TMEM33: variants seen among roughly 807,000 people sequenced by gnomAD.
TMEM33 encodes the protein transmembrane protein 33.
In TMEM33, 16 loss-of-function variants were observed where a neutral mutation model predicts 29.7. That is an observed-to-expected ratio of 0.54 (90% CI 0.36 to 0.82). The LOEUF (loss-of-function observed/expected upper bound fraction) is 0.82, where lower values mean the gene tolerates loss of function less well. Ranked by LOEUF, TMEM33 falls within the 40% of genes least tolerant of loss-of-function variation. The pLI, the probability that TMEM33 is intolerant of heterozygous loss-of-function variation, is 0.00. For missense variants in TMEM33, 252 were observed against 295.3 expected (o/e 0.85, Z 1.08); for synonymous variants, 112 against 109.4 (o/e 1.02, Z -0.15).
At chr4:41,940,105 G>A (rs1712464533) in intron 3 of TMEM33, among the ~76,000 whole-genome samples, 1 of 121,754 alleles carries the variant, frequency 8.2e-6, no homozygotes, top group African/African-American at 3.3e-5. Flanking sequence ...CAGGCCACCT[G>A]CCTCTGCCTC....
intron 1 of TMEM33, 28 bp downstream of exon 1, chr4:41,935,557 T>G: frequency 6.3e-7 from 1 of 1,593,156 alleles, no homozygotes; most frequent in Non-Finnish European, 8.5e-7. Context: ...GTAGTCTGGC[T>G]TGATTTGCAA....
chr4:41,939,434 A>G, intron 3 of TMEM33, 51 bp downstream of exon 3: 1 of 1,580,474 alleles, frequency 6.3e-7, no homozygotes, highest in East Asian at 2.2e-5. Flanking sequence ...AGCATATAGG[A>G]GATCTCTTCT....
chr4:41,937,055 ATTT>A (rs78394595), intron 1 of TMEM33, among the ~76,000 whole-genome samples: 2 of 140,144 alleles, frequency 1.4e-5, no homozygotes, highest in Admixed American at 7.2e-5. Context: ...AGATCTAGTG[ATTT>A]TTTTTTTTTT....
chr4:41,937,070 T>G (rs1262899765), intron 1 of TMEM33, among the ~76,000 whole-genome samples: 1 of 151,754 alleles, frequency 6.6e-6, no homozygotes, highest in Non-Finnish European at 1.5e-5. Flanking sequence ...TTTTTTTTTT[T>G]GCCTGATGGT....
In TMEM33 at chr4:41,953,315, G is replaced by C. The variant is rs1279537117; in HGVS notation, c.615-755G>C. ...ACAATAAAGTGAATATCACAAAGCT[G>C]TCAGATGAATTTTTTGGTTTTCCAG... On this transcript the variant is annotated intron_variant, in intron 6 of 6. Coordinates refer to ENST00000504986, the MANE Select transcript of TMEM33 (RefSeq NM_018126.3). 2.0e-5 allele frequency among the ~76,000 whole-genome samples: 3 copies of C among 152,342 alleles called. No homozygotes were observed. In the East Asian group the frequency reaches 5.8e-4, roughly 29 times the overall value.
intron 5 of TMEM33, among the ~76,000 whole-genome samples, 187 bp downstream of exon 5, chr4:41,945,113 G>T (rs191315395): frequency 0.044 from 6,656 of 152,090 alleles, 441 homozygotes; most frequent in African/African-American, 0.15. Context: ...GTAGACCTAG[G>T]AATTTGTCTT....
Position 41,938,544 on chromosome 4 carries a change from G to A in TMEM33, c.46-58G>A, listed in dbSNP as rs112993325. 8.1e-6 allele frequency: 12 copies of A among 1,490,610 alleles called. No individual in the cohort carries two copies. In the African/African-American group the frequency reaches 1.1e-4, roughly 14 times the overall value. The allele number at this position is 1,490,610 out of a possible 1,614,324, so 92.3% of individuals were successfully genotyped here. On this transcript the variant is annotated intron_variant, in intron 1 of 6. Coordinates refer to ENST00000504986, the MANE Select transcript of TMEM33 (RefSeq NM_018126.3). ...GTAGACATAAAAACCACACAGTCTTGATGCTTAAAAACATGATTTGCAGGC... is the reference window on the plus strand; with the variant it reads ...GTAGACATAAAAACCACACAGTCTTAATGCTTAAAAACATGATTTGCAGGC...
chr4:41,936,480 C>G (rs888186733), intron 1 of TMEM33, among the ~76,000 whole-genome samples: 1 of 152,196 alleles, frequency 6.6e-6, no homozygotes, highest in African/African-American at 2.4e-5. Flanking sequence ...GAAGTTGAAG[C>G]TGCCGTGAGC....
Position 41,957,285 on chromosome 4 carries a change from G to A in TMEM33, c.*3086G>A, listed in dbSNP as rs1226739367. ...TATTTAGGTTTTTTTTTTTTTTTTT[G>A]GAATGAAGTTCAGAGGTAGATCCTC... On this transcript the variant is annotated 3_prime_UTR_variant, in exon 7 of 7. Coordinates refer to ENST00000504986, the MANE Select transcript of TMEM33 (RefSeq NM_018126.3). 1 of 47,318 alleles carries A rather than the reference G, an allele frequency of 2.1e-5. No homozygotes were observed. The highest frequency in any genetic ancestry group is 4.6e-5 in the Non-Finnish European group (1 of 21,970). The allele number at this position is 47,318 out of a possible 1,614,324, so 2.9% of individuals were successfully genotyped here.
intron 6 of TMEM33, chr4:41,953,657 C>T (rs1577656299): frequency 4.7e-6 from 2 of 425,346 alleles, no homozygotes; most frequent in Non-Finnish European, 9.4e-6. Context: ...ATTAATTGGC[C>T]TAATTTCAGT....
At position 41,957,327 on chromosome 4, in the gene TMEM33, A is replaced by G. The variant is rs1302996763; in HGVS notation, c.*3128A>G. 6.7e-6 allele frequency: 1 copy of G among 149,560 alleles called. No homozygotes were observed. Among genetic ancestry groups the G allele is most frequent in the Non-Finnish European group, 1.5e-5 (1 of 67,638 alleles). The allele number at this position is 149,560 out of a possible 1,614,324, so 9.3% of individuals were successfully genotyped here. A position where few individuals can be genotyped will look rare whatever the true frequency, so the allele number is the denominator to read the frequency against. Reference sequence around the variant, plus strand: ...TAGATCCTCCTGGAAGAAAGAAAGCAAGCGAACTTTTTAAAGAAAATTAGA... The same window carrying G: ...TAGATCCTCCTGGAAGAAAGAAAGCGAGCGAACTTTTTAAAGAAAATTAGA... On this transcript the variant is annotated 3_prime_UTR_variant, in exon 7 of 7. Coordinates refer to ENST00000504986, the MANE Select transcript of TMEM33 (RefSeq NM_018126.3).
intron 6 of TMEM33, among the ~76,000 whole-genome samples, chr4:41,951,140 G>C (rs1454869731): frequency 1.3e-5 from 2 of 152,118 alleles, no homozygotes; most frequent in Non-Finnish European, 2.9e-5. Flanking sequence ...TTATTCTCAA[G>C]TTGGTGGTTT....
At chr4:41,935,667 C>A in intron 1 of TMEM33, 138 bp downstream of exon 1, 2 of 886,240 alleles carry the variant, frequency 2.3e-6, no homozygotes, top group South Asian at 1.6e-5. Context: ...GAAGTTGGAG[C>A]GGGGAGAGGG....
At chr4:41,935,671 G>T in intron 1 of TMEM33, 142 bp downstream of exon 1, 5 of 846,518 alleles carry the variant, frequency 5.9e-6, no homozygotes, top group Non-Finnish European at 9.2e-6. Context: ...TTGGAGCGGG[G>T]AGAGGGGAGG....
Position 41,959,542 on chromosome 4 carries a change from A to G in TMEM33, c.*5343A>G, listed in dbSNP as rs1180289690. On this transcript the variant is annotated 3_prime_UTR_variant, in exon 7 of 7. Coordinates refer to ENST00000504986, the MANE Select transcript of TMEM33 (RefSeq NM_018126.3). ...ATTCCATGAGAAAGAGTGGCCTAAG[A>G]ATTATTTCATGTTACCTAGCCTTCT... 1.3e-5 allele frequency: 2 copies of G among 152,172 alleles called. No individual in the cohort carries two copies. The highest frequency in any genetic ancestry group is 2.9e-5 in the Non-Finnish European group (2 of 68,026). The allele number at this position is 152,172 out of a possible 1,614,324, so 9.4% of individuals were successfully genotyped here.
Position 41,960,698 on chromosome 4 carries a change from T to C in TMEM33, c.*6499T>C, listed in dbSNP as rs1314474051. 2 of 152,022 alleles carry C rather than the reference T, an allele frequency of 1.3e-5. No homozygotes were observed. The highest frequency in any genetic ancestry group is 2.4e-5 in the African/African-American group (1 of 41,400). The allele number at this position is 152,022 out of a possible 1,614,324, so 9.4% of individuals were successfully genotyped here. A position where few individuals can be genotyped will look rare whatever the true frequency, so the allele number is the denominator to read the frequency against. ...CCTCTTATCCTCAGCCCATCACAAA[T>C]AATAGAGATGCCATGATTTTGAGGT... is the stretch of plus-strand genomic sequence containing the variant. On this transcript the variant is annotated 3_prime_UTR_variant, in exon 7 of 7. Coordinates refer to ENST00000504986, the MANE Select transcript of TMEM33 (RefSeq NM_018126.3).
At chr4:41,953,634 C>A (rs1713137721) in intron 6 of TMEM33, 2 of 388,644 alleles carry the variant, frequency 5.1e-6, no homozygotes, top group Non-Finnish European at 1.0e-5. Context: ...CACTTAGAGG[C>A]CATTACAGGG....
chr4:41,950,535 GTTCATT>G (rs1006744477), intron 6 of TMEM33, among the ~76,000 whole-genome samples: 2 of 152,042 alleles, frequency 1.3e-5, no homozygotes, highest in African/African-American at 4.8e-5. Flanking sequence ...GTTCTTACTA[GTTCATT>G]TTCATTATTC....
chr4:41,935,445 C>A lies in TMEM33; in HGVS notation c.-40C>A. On this transcript the variant is annotated 5_prime_UTR_variant, in exon 1 of 7. Transcript: ENST00000504986. ...ACGTTTTCTCTCCCCTTTCTTCTCT[C>A]TTCGCGGTTGCGGCGTCGCAGACGC... 1 of 1,586,942 alleles carries A rather than the reference C, an allele frequency of 6.3e-7. No homozygotes were observed. Among genetic ancestry groups the A allele is most frequent in the South Asian group, 1.1e-5 (1 of 87,406 alleles).
Sources: allele counts gnomAD v4.1 joint callset (sites outside exome capture counted in the v4.1 genomes callset), GRCh38; gene constraint gnomAD v4.1.1; transcripts MANE v1.5; gene names NCBI Gene and HGNC (gene_info 2026-07-23, HGNC 2026-07-21).